PICALM: variants seen among roughly 807,000 people sequenced by gnomAD.
The protein encoded by PICALM is phosphatidylinositol binding clathrin assembly protein.
In PICALM, 40 loss-of-function variants were observed where a neutral mutation model predicts 80.5. The ratio of observed to expected loss-of-function variants is 0.50; its 90% CI spans 0.39 to 0.65. The LOEUF (loss-of-function observed/expected upper bound fraction) is 0.65. PICALM is among the 30% of genes least tolerant of loss of function. PICALM has a pLI of 0.00. For synonymous variants in PICALM, 288 were observed against 260.3 expected (o/e 1.11, Z -1.02); for missense variants, 676 against 778.9 (o/e 0.87, Z 1.57).
At chr11:86,030,735 T>C (rs752997925) in intron 2 of PICALM, among the ~76,000 whole-genome samples, 4 of 152,166 alleles carry the variant, frequency 2.6e-5, no homozygotes, top group Non-Finnish European at 5.9e-5. Flanking sequence ...CTTCAATCAG[T>C]CCCTCTCAGC....
intron 1 of PICALM, among the ~76,000 whole-genome samples, chr11:86,050,017 T>C (rs777692024): frequency 2.6e-4 from 39 of 151,442 alleles, no homozygotes; most frequent in Non-Finnish European, 5.4e-4. Flanking sequence ...CTGGCCAACA[T>C]GGCAAAACCC....
rs376759395 is a variant in PICALM, at chr11:86,056,134, T to TAAAAAAAAAAAAAAAA, written c.130+12516_130+12517insTTTTTTTTTTTTTTTT. On this transcript the variant is annotated intron_variant, in intron 1 of 19. Transcript: ENST00000393346. Reference sequence around the variant, plus strand: ...TGGGTGACAGAACAAGACTCTGTCTTTAAAAAAAAAAAAAAAGAAAAAACC... The same window carrying TAAAAAAAAAAAAAAAA: ...TGGGTGACAGAACAAGACTCTGTCTTAAAAAAAAAAAAAAAATAAAAAAAAAAAAAAAGAAAAAACC... Among the ~76,000 whole-genome samples the TAAAAAAAAAAAAAAAA allele has an allele frequency of 1.7e-4, 13 of 76,844 alleles. 2 individuals are homozygous for TAAAAAAAAAAAAAAAA. Among genetic ancestry groups the TAAAAAAAAAAAAAAAA allele is most frequent in the African/African-American group, 3.9e-4 (8 of 20,516 alleles). 50.4% of individuals were successfully genotyped at this position (76,844 alleles called of 152,430 possible). A position where few individuals can be genotyped will look rare whatever the true frequency, so the allele number is the denominator to read the frequency against.
chr11:86,031,682 T>C, intron 1 of PICALM, 71 bp from the exon 2 acceptor site: 4 of 1,085,694 alleles, frequency 3.7e-6, no homozygotes, highest in African/African-American at 1.6e-5. Context: ...CAGATCTGCA[T>C]ACAAACAGGC....
chr11:85,989,825 A>G (rs2094705075), intron 13 of PICALM, among the ~76,000 whole-genome samples: 1 of 152,128 alleles, frequency 6.6e-6, no homozygotes, highest in Non-Finnish European at 1.5e-5. Context: ...AATATTAAAG[A>G]TAGCTGCTAA....
intron 19 of PICALM, among the ~76,000 whole-genome samples, chr11:85,963,920 C>CTTTTTTTTTTT (rs10686143): frequency 2.5e-4 from 18 of 72,886 alleles, no homozygotes; most frequent in African/African-American, 5.5e-4. Context: ...CCACACCTGG[C>CTTTTTTTTTTT]TTTTTTTTTT....
chr11:86,026,584 T>C (rs1031206922), intron 2 of PICALM, among the ~76,000 whole-genome samples: 1 of 152,162 alleles, frequency 6.6e-6, no homozygotes, highest in Non-Finnish European at 1.5e-5. Flanking sequence ...TGCCCACAGA[T>C]ATAGTATTAA....
chr11:85,958,806 A>G lies in PICALM; in HGVS notation c.*240T>C. ...GAAAGAATTGAAGGGTTAGTCACCAAAAAGACAGATCTTAGTCTTAAATCA... is the reference window on the plus strand; with the variant it reads ...GAAAGAATTGAAGGGTTAGTCACCAGAAAGACAGATCTTAGTCTTAAATCA... On this transcript the variant is annotated 3_prime_UTR_variant, in exon 20 of 20. Transcript: ENST00000393346. 1 of 405,762 alleles carries G rather than the reference A, an allele frequency of 2.5e-6. No individual in the cohort carries two copies. The highest frequency in any genetic ancestry group is 4.4e-6 in the Non-Finnish European group (1 of 225,232). The allele number at this position is 405,762 out of a possible 1,614,324, so 25.1% of individuals were successfully genotyped here.
chr11:85,986,631 C>T (rs1165791526), intron 13 of PICALM, among the ~76,000 whole-genome samples: 1 of 151,468 alleles, frequency 6.6e-6, no homozygotes, highest in Non-Finnish European at 1.5e-5. Flanking sequence ...ACCTCATGAT[C>T]CACCCGCCTC....
intron 7 of PICALM, among the ~76,000 whole-genome samples, chr11:86,009,682 G>C (rs1043707314): frequency 4.0e-5 from 6 of 151,892 alleles, no homozygotes; most frequent in African/African-American, 1.5e-4. Context: ...ACAAGAGCAA[G>C]ACTTCATCTC....
At chr11:86,069,670 G>C (rs2096489700), upstream of PICALM, 1 of 152,204 alleles carries the variant, frequency 6.6e-6, no homozygotes, top group African/African-American at 2.4e-5. Context: ...GAACCTTCCA[G>C]CAGGCCTCTC....
intron 4 of PICALM, among the ~76,000 whole-genome samples, chr11:86,015,873 A>G (rs1279689720): frequency 2.0e-5 from 3 of 152,220 alleles, no homozygotes; most frequent in Non-Finnish European, 4.4e-5. Context: ...TAAACCATGA[A>G]CTATGACCTC....
intron 19 of PICALM, among the ~76,000 whole-genome samples, chr11:85,973,431 G>A (rs970456357): frequency 9.9e-5 from 15 of 152,164 alleles, no homozygotes; most frequent in Admixed American, 6.5e-4. Flanking sequence ...AAGACAGAGA[G>A]GGAGAGAGCA....
At chr11:86,029,566 C>A (rs2095712596) in intron 2 of PICALM, among the ~76,000 whole-genome samples, 2 of 152,180 alleles carry the variant, frequency 1.3e-5, no homozygotes, top group Non-Finnish European at 2.9e-5. Flanking sequence ...TGTCAACTTT[C>A]TGTTTTGTCT....
intron 13 of PICALM, among the ~76,000 whole-genome samples, chr11:85,985,449 T>G (rs1216334581): frequency 6.6e-6 from 1 of 152,208 alleles, no homozygotes; most frequent in Non-Finnish European, 1.5e-5. Flanking sequence ...AGTTTGATCT[T>G]GTTCCATAAT....
At chr11:85,969,954 C>T (rs2094043692) in intron 19 of PICALM, among the ~76,000 whole-genome samples, 1 of 152,186 alleles carries the variant, frequency 6.6e-6, no homozygotes, top group Non-Finnish European at 1.5e-5. Flanking sequence ...TTTTGAACAC[C>T]ACTGCAAGTT....
rs1026250015 is a variant in PICALM, at chr11:85,997,155, C to T, written c.1155-226G>A. Among the ~76,000 whole-genome samples the T allele has an allele frequency of 5.9e-5, 9 of 152,264 alleles. No individual in the cohort carries two copies. The East Asian group carries it at 7.7e-4, about 13-fold the overall frequency. On this transcript the variant is annotated intron_variant, in intron 11 of 19. Transcript: ENST00000393346. ...TTAAGTTTATATAAGATTCAAAGAACAGTAGCTCTTCTGAAAAGGATGAAT... is the reference window on the plus strand; with the variant it reads ...TTAAGTTTATATAAGATTCAAAGAATAGTAGCTCTTCTGAAAAGGATGAAT...
intron 1 of PICALM, among the ~76,000 whole-genome samples, chr11:86,061,811 T>A (rs74865812): frequency 6.6e-6 from 1 of 152,200 alleles, no homozygotes; most frequent in African/African-American, 2.4e-5. Flanking sequence ...AGATGTTTGA[T>A]GTTTATAGCA....
intron 13 of PICALM, among the ~76,000 whole-genome samples, chr11:85,989,959 T>C (rs1442430602): frequency 7.6e-6 from 1 of 131,118 alleles, no homozygotes; most frequent in Non-Finnish European, 1.5e-5. Flanking sequence ...CTGCATGTGA[T>C]ACTAGACAGC....
intron 17 of PICALM, among the ~76,000 whole-genome samples, chr11:85,979,051 A>G (rs1019462325): frequency 7.2e-5 from 11 of 152,094 alleles, no homozygotes; most frequent in African/African-American, 2.7e-4. Context: ...CTGCTTTTCA[A>G]CTGCTTTGCA....
Sources: gnomAD v4.1 joint callset for allele counts (sites outside exome capture counted in the v4.1 genomes callset) on GRCh38, gnomAD v4.1.1 for gene constraint, MANE v1.5 for transcripts, NCBI Gene and HGNC (gene_info 2026-07-23, HGNC 2026-07-21) for gene names.